The following MED23 variants were observed in gnomAD, a reference collection of about 807,000 sequenced individuals.
The protein encoded by MED23 is mediator complex subunit 23, also known as mediator of RNA polymerase II transcription subunit 23.
A neutral mutation model predicts 163.9 loss-of-function variants in MED23; 105 were observed. The ratio of observed to expected loss-of-function variants is 0.64; its 90% CI spans 0.55 to 0.75. The LOEUF (loss-of-function observed/expected upper bound fraction) is 0.75. Ranked by LOEUF, MED23 falls within the 30% of genes least tolerant of loss-of-function variation. The pLI is 0.00. For synonymous variants in MED23, 561 were observed against 565.6 expected, an observed-to-expected ratio of 0.99 and a Z score of 0.12; for missense variants, 1,054 against 1,649.0, an observed-to-expected ratio of 0.64 and a Z score of 6.25.
At chr6:131,584,816 T>TACACACACACACACAC (rs59196638), downstream of MED23, among the ~76,000 whole-genome samples, 101 of 134,142 alleles carry the variant, frequency 7.5e-4, 1 homozygote, top group African/African-American at 1.8e-3. Context: ...CTACAAAAAA[T>TACACACACACACACAC]ACACACACAC....
intron 6 of MED23, among the ~76,000 whole-genome samples, chr6:131,621,187 G>A (rs964533989): frequency 2.0e-5 from 3 of 152,082 alleles, no homozygotes; most frequent in African/African-American, 7.2e-5. Context: ...AGAGATGTTG[G>A]TCAAAGGACA....
chr6:131,596,231 G>A (rs1775036613), intron 21 of MED23, 68 bp from the exon 22 acceptor site: 12 of 1,369,496 alleles, frequency 8.8e-6, no homozygotes, highest in East Asian at 2.3e-5. Flanking sequence ...AGAGCTAAAT[G>A]TGAAAACATT....
At chr6:131,626,135 A>AAAAAAT (rs1777484289) in intron 3 of MED23, among the ~76,000 whole-genome samples, 1 of 151,446 alleles carries the variant, frequency 6.6e-6, no homozygotes, top group Non-Finnish European at 1.5e-5. Flanking sequence ...AAAAAAAAAA[A>AAAAAAT]AAAAAGAAAA....
At chr6:131,592,131 A>T in intron 25 of MED23, 1 of 510,584 alleles carries the variant, frequency 2.0e-6, no homozygotes, top group Non-Finnish European at 3.5e-6. Context: ...AAAGTTGGAT[A>T]GGTAAGGTGG....
intron 30 of MED23, among the ~76,000 whole-genome samples, chr6:131,577,649 C>T (rs1773685620): frequency 6.6e-6 from 1 of 151,842 alleles, no homozygotes; most frequent in Non-Finnish European, 1.5e-5. Context: ...GGCCTGTAAT[C>T]CTATCACTTT....
intron 15 of MED23, 126 bp from the exon 16 acceptor site, chr6:131,603,330 T>C (rs760232622): frequency 2.3e-6 from 2 of 871,546 alleles, no homozygotes; most frequent in Non-Finnish European, 3.7e-6. Context: ...CACACACATA[T>C]ATATTCTCCA....
At chr6:131,626,766 G>A (rs904094312) in intron 3 of MED23, among the ~76,000 whole-genome samples, 2 of 152,198 alleles carry the variant, frequency 1.3e-5, no homozygotes, top group African/African-American at 4.8e-5. Flanking sequence ...CCATGTCTGA[G>A]TGGCAAATCT....
rs145224432 is a variant in MED23 at position 131,624,159 on chromosome 6, A to G, written c.285-697T>C. ...TTTTGATCCCACATCTTCTTCTGAA[A>G]TGTGACACTGACATTTCTCCCAAGG... is the stretch of plus-strand genomic sequence containing the variant. On this transcript the variant is annotated intron_variant, in intron 4 of 28. Coordinates refer to ENST00000368068, the MANE Select transcript of MED23 (RefSeq NM_004830.4). 3.8e-4 allele frequency among the ~76,000 whole-genome samples: 58 copies of G among 152,318 alleles called. No individual in the cohort carries two copies. The East Asian group carries it at 0.011, about 28-fold the overall frequency.
chr6:131,627,466 G>T lies in MED23; in HGVS notation c.89C>A (p.Pro30His), dbSNP rs376715175. The T allele has an allele frequency of 1.2e-6, 2 of 1,613,166 alleles. No homozygotes were observed. The highest frequency in any genetic ancestry group is 1.7e-6 in the Non-Finnish European group (2 of 1,179,728). ...AATTAGTTTTGTTTTCTCATCTTCA[G>T]GAGTATCCATAAACATGCTAAAAAA... ...EAFPGMFMDT[P>H]EDEKTKLISC... The change falls in exon 3 of 29, where the codon CCT (proline) becomes CAT (histidine). Residue 30 changes from proline (P) to histidine (H), a missense_variant. Physicochemically the swap from Pro to His is moderately conservative, Grantham distance 77. Around this residue, in one of 11 missense-constraint regions of MED23, gnomAD observed 227 missense variants for 235.5 expected, o/e 0.96. Coordinates refer to ENST00000368068, the MANE Select transcript of MED23 (RefSeq NM_004830.4).
At chr6:131,591,051 GT>G (rs1345511470) in intron 26 of MED23, among the ~76,000 whole-genome samples, 3 of 151,592 alleles carry the variant, frequency 2.0e-5, no homozygotes, top group Admixed American at 6.6e-5. Context: ...CGCGATCTTG[GT>G]TCACTGCAAT....
At chr6:131,602,093 AAAC>A in intron 17 of MED23, 122 bp downstream of exon 17, 2 of 1,122,912 alleles carry the variant, frequency 1.8e-6, no homozygotes, top group South Asian at 2.7e-5. Context: ...GAAGATATCA[AAAC>A]AACAGGCTTT....
At chr6:131,622,023 A>C (rs1156651860) in intron 5 of MED23, 44 bp from the exon 6 acceptor site, 2 of 1,402,722 alleles carry the variant, frequency 1.4e-6, no homozygotes, top group South Asian at 2.3e-5. Flanking sequence ...AGTAGTGTCT[A>C]CTGTGTTAGC....
At chr6:131,603,696 C>T (rs915935958) in intron 15 of MED23, among the ~76,000 whole-genome samples, 3 of 152,034 alleles carry the variant, frequency 2.0e-5, no homozygotes, top group African/African-American at 7.2e-5. Flanking sequence ...CTGGAATTAC[C>T]ATGAATCAGA....
chr6:131,606,573 T>C lies in MED23; in HGVS notation c.1273A>G (p.Met425Val). The stretch of plus-strand genomic sequence containing the variant: ...TTGAGATGAATCCAAATACAGGTCA[T>C]TGCAAAGGCATGGGTTGACTGGGGT... ...NKPQSTHAFA[M>V]TCIWIHLNRK... Residue 425 changes from methionine (M) to valine (V), a missense_variant, in exon 13 of 29, where the codon ATG (methionine) becomes GTG (valine). This residue lies in a region of MED23 where 61 missense variants were observed against 154.2 expected (regional missense o/e 0.40). Transcript: ENST00000368068. 6.2e-7 allele frequency: 1 copy of C among 1,613,318 alleles called. No homozygotes were observed. The highest frequency in any genetic ancestry group is 1.1e-5 in the South Asian group (1 of 91,074).
At chr6:131,608,181 C>T in intron 11 of MED23, 110 bp from the exon 12 acceptor site, 1 of 1,228,920 alleles carries the variant, frequency 8.1e-7, no homozygotes, top group South Asian at 1.3e-5. Context: ...CTGGTTCTTG[C>T]TCTGAGAAAG....
At chr6:131,618,110 T>C (rs1776824458) in intron 9 of MED23, among the ~76,000 whole-genome samples, 2 of 152,036 alleles carry the variant, frequency 1.3e-5, no homozygotes, top group South Asian at 4.1e-4. Flanking sequence ...TCTACTACTT[T>C]TAAAATGTGA....
At chr6:131,597,668 A>T (rs368125465) in intron 20 of MED23, among the ~76,000 whole-genome samples, 6 of 152,092 alleles carry the variant, frequency 3.9e-5, no homozygotes, top group East Asian at 3.9e-4. Context: ...GAATCAACTC[A>T]GGGTCTAATT....
chr6:131,604,253 G>C lies in MED23; in HGVS notation c.1681C>G (p.Pro561Ala). 6.2e-7 allele frequency: 1 copy of C among 1,613,858 alleles called. No individual in the cohort carries two copies. Among genetic ancestry groups the C allele is most frequent in the Non-Finnish European group, 8.5e-7 (1 of 1,179,828 alleles). The stretch of plus-strand genomic sequence containing the variant: ...CGACTGTAAGTTTCCACTAGGGCTG[G>C]AGCCAAGGCCACACTGGACTTTGCA... ...AHAKSSVALAPALVETYSRLL... is the reference protein window; with the variant it reads ...AHAKSSVALAAALVETYSRLL... The change falls in exon 15 of 29, where the codon CCA becomes GCA. Residue 561 changes from proline (P) to alanine (A), a missense_variant. Coordinates refer to ENST00000368068, the MANE Select transcript of MED23 (RefSeq NM_004830.4).
Position 131,608,019 on chromosome 6 carries a change from AG to A in MED23, c.1129del (p.Leu377CysfsTer13), listed in dbSNP as rs771920896. On this transcript the variant is annotated frameshift_variant, in exon 12 of 29. Transcript: ENST00000368068. LOFTEE classifies it high-confidence loss of function. ...CTGAATACTTCCAGAAATGAATTGC[AG>A]GAGAACCCACATAAGATGATCTCTG... is the stretch of plus-strand genomic sequence containing the variant. ...KGRDHLMWVL[L>X]QFISGSIQKN... 1 of 1,613,946 alleles carries A rather than the reference AG, an allele frequency of 6.2e-7. No individual in the cohort carries two copies. Among genetic ancestry groups the A allele is most frequent in the Non-Finnish European group, 8.5e-7 (1 of 1,179,904 alleles).
Sources: gnomAD v4.1 joint callset for allele counts (sites outside exome capture counted in the v4.1 genomes callset) on GRCh38, gnomAD v4.1.1 for gene constraint, gnomAD v4.1.1 regional missense constraint, MANE v1.5 for transcripts, NCBI Gene and HGNC (gene_info 2026-07-23, HGNC 2026-07-21) for gene names.